The following STYXL1 variants were observed in gnomAD, a reference collection of about 807,000 sequenced individuals.
The protein encoded by STYXL1 is serine/threonine/tyrosine-interacting-like protein 1.
STYXL1 carries 32 observed loss-of-function variants against 36.4 expected under a neutral mutation model. The ratio of observed to expected loss-of-function variants is 0.88; its 90% CI spans 0.66 to 1.18. STYXL1 has a LOEUF of 1.18. Among genes scored for constraint, STYXL1 ranks in the 50% most tolerant of loss-of-function variants. STYXL1 has a pLI of 0.00. For missense variants in STYXL1, 354 were observed against 394.1 expected (o/e 0.90, Z 0.86); for synonymous variants, 133 against 144.1 (o/e 0.92, Z 0.55).
chr7:76,005,207 T>C, intron 6 of STYXL1, 52 bp downstream of exon 6: 1 of 1,044,290 alleles, frequency 9.6e-7, no homozygotes, highest in Non-Finnish European at 1.2e-6. Context: ...TAAATTTAAA[T>C]ATTATATAAA....
At position 76,041,974 on chromosome 7, in the gene STYXL1, A is replaced by G. The variant is rs1796512822; in HGVS notation, c.-5+5688T>C. Reference sequence around the variant, plus strand: ...ACCAAACTGAACACTTGAGACCTATATACTTCACTGTATGAAAACCGTAGA... The same window carrying G: ...ACCAAACTGAACACTTGAGACCTATGTACTTCACTGTATGAAAACCGTAGA... On this transcript the variant is annotated intron_variant, in intron 1 of 8. Transcript: ENST00000359697. 2.0e-5 allele frequency among the ~76,000 whole-genome samples: 3 copies of G among 152,338 alleles called. No homozygotes were observed. In the South Asian group the frequency reaches 6.2e-4, roughly 32 times the overall value.
rs181614356 is a variant in STYXL1, at chr7:76,047,332, C to T, written c.-5+330G>A. Among the ~76,000 whole-genome samples the T allele has an allele frequency of 1.7e-3, 258 of 152,300 alleles. 2 individuals carry two copies. The highest frequency in any genetic ancestry group is 0.014 in the Middle Eastern group (4 of 294). Reference sequence around the variant, plus strand: ...GGAATTCTACTCGACTTTCTGTCTGCGTAAACTCTACAAATCCACTTGGCC... The same window carrying T: ...GGAATTCTACTCGACTTTCTGTCTGTGTAAACTCTACAAATCCACTTGGCC... On this transcript the variant is annotated intron_variant, in intron 1 of 8. Transcript: ENST00000359697.
chr7:76,007,036 T>C (rs1554570629), intron 5 of STYXL1, among the ~76,000 whole-genome samples: 1 of 152,198 alleles, frequency 6.6e-6, no homozygotes. Context: ...AGACTTTTTT[T>C]CTTGTCATTA....
At chr7:76,023,648 G>C (rs1397873753) in intron 3 of STYXL1, among the ~76,000 whole-genome samples, 7 of 152,090 alleles carry the variant, frequency 4.6e-5, no homozygotes, top group Non-Finnish European at 8.8e-5. Context: ...GATCACTTGA[G>C]TCTGGGAGGT....
chr7:76,036,911 A>C (rs924374870), intron 1 of STYXL1, among the ~76,000 whole-genome samples: 8 of 147,196 alleles, frequency 5.4e-5, no homozygotes, highest in African/African-American at 1.2e-4. Context: ...CAGCCTCCTG[A>C]GTAGCTGGGA....
At chr7:76,034,149 T>C (rs1795686614) in intron 1 of STYXL1, among the ~76,000 whole-genome samples, 1 of 152,182 alleles carries the variant, frequency 6.6e-6, no homozygotes, top group Non-Finnish European at 1.5e-5. Context: ...GTTGCCCATG[T>C]TGGAGTGCAG....
At chr7:76,036,885 T>A (rs1397954187) in intron 1 of STYXL1, among the ~76,000 whole-genome samples, 1 of 142,966 alleles carries the variant, frequency 7.0e-6, no homozygotes, top group African/African-American at 2.5e-5. Context: ...CCCGGGTTCA[T>A]GCCATTCTCC....
intron 5 of STYXL1, among the ~76,000 whole-genome samples, chr7:76,007,958 G>A (rs1314543773): frequency 6.6e-6 from 1 of 151,580 alleles, no homozygotes; most frequent in African/African-American, 2.4e-5. Flanking sequence ...CAGCACTTTG[G>A]GAGGCTGAGG....
chr7:76,014,048 G>A (rs1260057431), intron 4 of STYXL1, among the ~76,000 whole-genome samples, 161 bp from the exon 5 acceptor site: 2 of 151,874 alleles, frequency 1.3e-5, no homozygotes, highest in African/African-American at 4.8e-5. Flanking sequence ...GTGCGATCTC[G>A]GCTCACTGCA....
At chr7:76,008,492 T>C (rs1792106617) in intron 5 of STYXL1, among the ~76,000 whole-genome samples, 2 of 152,082 alleles carry the variant, frequency 1.3e-5, no homozygotes, top group Non-Finnish European at 2.9e-5. Context: ...GTGAACCCTC[T>C]GCAAGCCCAC....
rs2116304950 is a variant in STYXL1, at chr7:76,030,418, T to C, written c.103+3A>G. On this transcript the variant is annotated splice_donor_region_variant and intron_variant, in intron 2 of 8. Coordinates refer to ENST00000359697, the MANE Select transcript of STYXL1 (RefSeq NM_001317785.2). ...CCTCCTCCGCTTTTTTCCAAGTACT[T>C]ACCCAATAAACAGAGATAGTTGGGG... The C allele has an allele frequency of 6.2e-7, 1 of 1,604,416 alleles. No homozygotes were observed. Among genetic ancestry groups the C allele is most frequent in the Non-Finnish European group, 8.5e-7 (1 of 1,171,446 alleles).
chr7:76,047,914 G>A lies in STYXL1; in HGVS notation c.-257C>T. The A allele has an allele frequency of 4.9e-6, 7 of 1,420,802 alleles. No individual in the cohort carries two copies. The highest frequency in any genetic ancestry group is 6.4e-6 in the Non-Finnish European group (7 of 1,088,988). 88.0% of individuals were successfully genotyped at this position (1,420,802 alleles called of 1,614,324 possible). ...CCACTCCGACCGCAGGTCCCCCACC[G>A]GCCACACAGACGGCTACGCTAGAAC... is the stretch of plus-strand genomic sequence containing the variant. On this transcript the variant is annotated 5_prime_UTR_variant, in exon 1 of 9. Transcript: ENST00000359697.
At chr7:76,030,850 T>TAAAAAA (rs1160725857) in intron 1 of STYXL1, among the ~76,000 whole-genome samples, 1 of 57,086 alleles carries the variant, frequency 1.8e-5, no homozygotes, top group African/African-American at 7.6e-5. Flanking sequence ...CCATCTCTAC[T>TAAAAAA]AAAAAAAAAA....
intron 1 of STYXL1, among the ~76,000 whole-genome samples, chr7:76,039,402 TAC>T (rs564339511): frequency 1.1e-3 from 165 of 152,172 alleles, no homozygotes; most frequent in Middle Eastern, 0.01. Flanking sequence ...AGGGATTTGG[TAC>T]AGTCTTTCCT....
chr7:76,008,696 C>G (rs1163719093), intron 5 of STYXL1, among the ~76,000 whole-genome samples: 1 of 152,172 alleles, frequency 6.6e-6, no homozygotes, highest in Non-Finnish European at 1.5e-5. Context: ...ATCCCCCTTT[C>G]AATTTCCACT....
chr7:76,024,595 C>T (rs1041550055), intron 3 of STYXL1, among the ~76,000 whole-genome samples: 3 of 151,732 alleles, frequency 2.0e-5, no homozygotes, highest in South Asian at 2.1e-4. Flanking sequence ...CCAGCCTAAG[C>T]GAGAGAGTGA....
intron 3 of STYXL1, among the ~76,000 whole-genome samples, chr7:76,026,930 G>A (rs1794781549): frequency 1.3e-5 from 2 of 152,104 alleles, no homozygotes; most frequent in African/African-American, 2.4e-5. Flanking sequence ...GTGTGGTGGC[G>A]CACGCCTGTA....
At chr7:76,001,409 C>G (rs1790904381) in intron 7 of STYXL1, among the ~76,000 whole-genome samples, 1 of 152,212 alleles carries the variant, frequency 6.6e-6, no homozygotes, top group African/African-American at 2.4e-5. Flanking sequence ...GGCCGTGGGG[C>G]TTGGGCAAGT....
At chr7:76,017,595 A>G (rs1242534479) in intron 4 of STYXL1, among the ~76,000 whole-genome samples, 4 of 151,750 alleles carry the variant, frequency 2.6e-5, no homozygotes, top group Non-Finnish European at 5.9e-5. Flanking sequence ...TTGAAAAACT[A>G]CCTACTGGGG....
Sources: gnomAD v4.1 joint callset for allele counts (sites outside exome capture counted in the v4.1 genomes callset) on GRCh38, gnomAD v4.1.1 for gene constraint, MANE v1.5 for transcripts, NCBI Gene and HGNC (gene_info 2026-07-23, HGNC 2026-07-21) for gene names.